The following PCDHA4 variants were observed in gnomAD, a reference collection of about 807,000 sequenced individuals.
PCDHA4 encodes protocadherin alpha 4, also known as protocadherin alpha-4.
PCDHA4 carries 49 observed loss-of-function variants against 61.4 expected under a neutral mutation model. That is an observed-to-expected ratio of 0.80 (90% CI 0.63 to 1.01). PCDHA4 has a LOEUF of 1.01. PCDHA4 is among the 50% of genes least tolerant of loss of function. The probability of loss-of-function intolerance (pLI) is 0.00; values close to 1 mark genes in which losing one functional copy is unlikely to be tolerated. For missense variants in PCDHA4, 1,254 were observed against 1,235.8 expected (o/e 1.01, Z -0.22); for synonymous variants, 590 against 550.3 (o/e 1.07, Z -1.01).
At chr5:140,994,573 C>A (rs1587629172) in intron 3 of PCDHA4, among the ~76,000 whole-genome samples, 1 of 152,000 alleles carries the variant, frequency 6.6e-6, no homozygotes, top group African/African-American at 2.4e-5. Context: ...GGTGTGGTGG[C>A]ATGCACTTGT....
At position 140,848,824 on chromosome 5, in the gene PCDHA4, T is replaced by C. The variant is rs2150421709; in HGVS notation, c.2385+39252T>C. On this transcript the variant is annotated intron_variant, in intron 1 of 3. Coordinates refer to ENST00000530339, the MANE Select transcript of PCDHA4 (RefSeq NM_018907.4). ...TGCAGCATCCACCTGGAGGTGATCG[T>C]AGACAGGCCGCTGCAGGTTTTCCAT... 7.5e-6 allele frequency: 12 copies of C among 1,590,566 alleles called. 1 individual carries two copies. In the Middle Eastern group the frequency reaches 1.4e-3, roughly 180 times the overall value.
intron 1 of PCDHA4, chr5:140,830,054 G>A (rs2150180380): frequency 4.3e-6 from 7 of 1,613,740 alleles, no homozygotes; most frequent in South Asian, 1.1e-5. Flanking sequence ...GAAAGACCAC[G>A]GTGAGCCGGC....
chr5:140,929,327 T>A (rs782155915), intron 1 of PCDHA4: 1 of 1,536,752 alleles, frequency 6.5e-7, no homozygotes, highest in Admixed American at 2.1e-5. Context: ...AATGCCATGG[T>A]AAGCAAATTT....
intron 1 of PCDHA4, chr5:140,883,740 C>A: frequency 6.2e-7 from 1 of 1,613,368 alleles, no homozygotes; most frequent in Non-Finnish European, 8.5e-7. Context: ...GCGCTGGTCT[C>A]CTACTCGCTG....
chr5:141,007,377 AC>A lies in PCDHA4; in HGVS notation c.2534-2248del, dbSNP rs1563708435. Among the ~76,000 whole-genome samples, 4 of 136,616 alleles carry A rather than the reference AC, an allele frequency of 2.9e-5. No individual in the cohort carries two copies. The East Asian group carries it at 8.7e-4, about 30-fold the overall frequency. The allele number at this position is 136,616 out of a possible 152,430, so 89.6% of individuals were successfully genotyped here. ...ACCAGCCTGGGCAACATGATGGAAC[AC>A]CATCTCTACTAAAATACAAAAAAAA... On this transcript the variant is annotated intron_variant, in intron 3 of 3. Transcript: ENST00000530339.
In PCDHA4 at chr5:140,894,570, T is replaced by G. The variant is rs558111947; in HGVS notation, c.2386-84379T>G. ...TTTACTTCTGAAAAAATTATTTTCC[T>G]TTTTTTTAATATTTTACTGAGTTTT... On this transcript the variant is annotated intron_variant, in intron 1 of 3. Coordinates refer to ENST00000530339, the MANE Select transcript of PCDHA4 (RefSeq NM_018907.4). Among the ~76,000 whole-genome samples the G allele has an allele frequency of 1.5e-4, 23 of 151,856 alleles. No individual in the cohort carries two copies. The South Asian group carries it at 4.4e-3, about 29-fold the overall frequency.
At position 140,876,570 on chromosome 5, in the gene PCDHA4, T is replaced by A. The variant is rs782551095; in HGVS notation, c.2385+66998T>A. 5.7e-5 allele frequency: 92 copies of A among 1,614,172 alleles called. No individual in the cohort carries two copies. In the East Asian group the frequency reaches 2.0e-3, roughly 35 times the overall value. On this transcript the variant is annotated intron_variant, in intron 1 of 3. Coordinates refer to ENST00000530339, the MANE Select transcript of PCDHA4 (RefSeq NM_018907.4). The stretch of plus-strand genomic sequence containing the variant: ...CTGTGCAAGAGGATGCTCAGGTGGG[T>A]ACCGTCATTGCCCTGATTAGCGTGT...
At chr5:140,841,244 G>A in intron 1 of PCDHA4, 1 of 1,496,324 alleles carries the variant, frequency 6.7e-7, no homozygotes, top group South Asian at 1.4e-5. Context: ...CAGCGGAATT[G>A]GATTAAAAGA....
chr5:140,862,466 CA>C, intron 1 of PCDHA4: 1 of 371,398 alleles, frequency 2.7e-6, no homozygotes. Context: ...ACCAAGAGAG[CA>C]AATCTATCCA....
chr5:140,808,778 C>G lies in PCDHA4; in HGVS notation c.1591C>G (p.Leu531Val), dbSNP rs781867451. 1.2e-6 allele frequency: 2 copies of G among 1,612,450 alleles called. No homozygotes were observed. Among genetic ancestry groups the G allele is most frequent in the South Asian group, 2.2e-5 (2 of 91,012 alleles). The part of the protein sequence containing the change: ...QPLDHEELEL[L>V]QFQVTARDAG... The stretch of plus-strand genomic sequence containing the variant: ...GCTGGACCACGAGGAGCTAGAGCTG[C>G]TGCAGTTTCAGGTGACCGCTCGCGA... The change falls in exon 1 of 4, where the codon CTG becomes GTG. Residue 531 changes from leucine (L) to valine (V), a missense_variant. Physicochemically the swap from Leu to Val is conservative, Grantham distance 32 (BLOSUM62 1). Transcript: ENST00000530339.
chr5:140,856,648 T>G (rs2044130273), intron 1 of PCDHA4: 1 of 1,598,174 alleles, frequency 6.3e-7, no homozygotes, highest in African/African-American at 1.3e-5. Flanking sequence ...AGCTGCTGGA[T>G]CGTGAAGAAA....
At chr5:140,810,236 A>C (rs1554125448) in intron 1 of PCDHA4, 1 of 152,092 alleles carries the variant, frequency 6.6e-6, no homozygotes, top group East Asian at 1.9e-4. Context: ...TATTTATTCT[A>C]CTGTTCAGGA....
chr5:140,925,782 A>T (rs567008166), intron 1 of PCDHA4, among the ~76,000 whole-genome samples: 10 of 152,174 alleles, frequency 6.6e-5, no homozygotes, highest in Admixed American at 4.6e-4. Context: ...AACTCTAATG[A>T]GTATCTCAGT....
At chr5:140,974,350 C>T (rs555781549) in intron 1 of PCDHA4, among the ~76,000 whole-genome samples, 1 of 152,304 alleles carries the variant, frequency 6.6e-6, no homozygotes, top group South Asian at 2.1e-4. Flanking sequence ...GCATCCAGAA[C>T]TAAACAGACC....
intron 3 of PCDHA4, among the ~76,000 whole-genome samples, chr5:141,004,899 C>A (rs898562164): frequency 4.6e-5 from 7 of 152,096 alleles, no homozygotes. Context: ...TCAGCTCTGC[C>A]AGGGTGTAAG....
At chr5:140,967,236 T>C (rs142898054) in intron 1 of PCDHA4, 53 of 1,613,562 alleles carry the variant, frequency 3.3e-5, no homozygotes, top group Non-Finnish European at 4.2e-5. Context: ...CAGCTTCAGG[T>C]AAGCGAATCG....
chr5:140,856,374 T>C, intron 1 of PCDHA4: 3 of 1,598,376 alleles, frequency 1.9e-6, no homozygotes, highest in Non-Finnish European at 2.6e-6. Flanking sequence ...GAGGTGATCG[T>C]GGACAGGCCG....
intron 1 of PCDHA4, among the ~76,000 whole-genome samples, chr5:140,922,015 A>G (rs1563050158): frequency 6.6e-6 from 1 of 152,098 alleles, no homozygotes; most frequent in Non-Finnish European, 1.5e-5. Context: ...AGTTTAAAAA[A>G]ATAAATATAA....
intron 1 of PCDHA4, chr5:140,966,646 G>T (rs2096032297): frequency 4.4e-6 from 5 of 1,139,570 alleles, no homozygotes; most frequent in Non-Finnish European, 4.6e-6. Flanking sequence ...TTTCTAGAGC[G>T]TGAGCGGTGG....
Sources: allele counts gnomAD v4.1 joint callset (sites outside exome capture counted in the v4.1 genomes callset), GRCh38; gene constraint gnomAD v4.1.1; transcripts MANE v1.5; gene names NCBI Gene and HGNC (gene_info 2026-07-23, HGNC 2026-07-21).